The following ZNF385D variants were observed in gnomAD, a reference collection of about 807,000 sequenced individuals.
The protein encoded by ZNF385D is zinc finger protein 659.
In ZNF385D, 15 loss-of-function variants were observed where a neutral mutation model predicts 35.8. The observed-to-expected ratio is 0.42, with a 90% CI of 0.28 to 0.64. The LOEUF is 0.64. Ranked by LOEUF, ZNF385D falls within the 30% of genes least tolerant of loss-of-function variation. The pLI is 0.23. For synonymous variants in ZNF385D, 212 were observed against 186.8 expected, an observed-to-expected ratio of 1.13 and a Z score of -1.10; for missense variants, 474 against 494.6, an observed-to-expected ratio of 0.96 and a Z score of 0.39.
intron 3 of ZNF385D, among the ~76,000 whole-genome samples, chr3:22,144,648 A>C (rs1014643012): frequency 2.7e-5 from 4 of 148,980 alleles, no homozygotes; most frequent in Non-Finnish European, 6.0e-5. Context: ...TAGCAAATTT[A>C]AGTTAGTCAT....
At chr3:21,551,356 C>T (rs1177800383) in intron 3 of ZNF385D, among the ~76,000 whole-genome samples, 2 of 152,196 alleles carry the variant, frequency 1.3e-5, no homozygotes, top group African/African-American at 4.8e-5. Context: ...TTGTACAAAT[C>T]TATACTCTCT....
chr3:21,423,081 GAAAAA>G (rs1404794198), intron 7 of ZNF385D, among the ~76,000 whole-genome samples: 107 of 152,158 alleles, frequency 7.0e-4, no homozygotes, highest in Non-Finnish European at 1.1e-3. Context: ...CCTATATCTA[GAAAAA>G]TCTATAGTCT....
intron 3 of ZNF385D, among the ~76,000 whole-genome samples, chr3:22,030,004 C>A (rs1036916916): frequency 2.6e-5 from 4 of 151,364 alleles, no homozygotes; most frequent in Non-Finnish European, 5.9e-5. Context: ...GCAGACCCAC[C>A]CTTAATCTGG....
At chr3:22,135,810 T>A (rs926904054) in intron 3 of ZNF385D, among the ~76,000 whole-genome samples, 1 of 151,696 alleles carries the variant, frequency 6.6e-6, no homozygotes, top group Non-Finnish European at 1.5e-5. Flanking sequence ...GAAGAGAGAG[T>A]CCAGAAATTG....
intron 3 of ZNF385D, among the ~76,000 whole-genome samples, chr3:22,151,532 T>C (rs887706990): frequency 2.0e-5 from 3 of 152,096 alleles, no homozygotes; most frequent in Non-Finnish European, 4.4e-5. Flanking sequence ...TTATTTAGGG[T>C]TCTCCAGACA....
intron 2 of ZNF385D, among the ~76,000 whole-genome samples, chr3:22,269,234 G>A (rs1230817558): frequency 1.3e-5 from 2 of 151,926 alleles, no homozygotes; most frequent in South Asian, 2.1e-4. Context: ...GTTGGGAAAT[G>A]TAAAATGAAT....
In ZNF385D at chr3:21,884,650, T is replaced by C. The variant is rs375850274; in HGVS notation, c.326-219622A>G. Among the ~76,000 whole-genome samples, 21 of 152,172 alleles carry C rather than the reference T, an allele frequency of 1.4e-4. No homozygotes were observed. In the East Asian group the frequency reaches 3.5e-3, roughly 25 times the overall value. On this transcript the variant is annotated intron_variant, in intron 3 of 5. Transcript: ENST00000494108. ...ACTCAACGGTTCTTATTTTACTACA[T>C]TTTACTATCATCTGTTCTCTAAAGT...
chr3:21,889,661 G>T (rs1346456107), intron 3 of ZNF385D, among the ~76,000 whole-genome samples: 1 of 152,160 alleles, frequency 6.6e-6, no homozygotes, highest in Non-Finnish European at 1.5e-5. Context: ...ATAGAGAAGA[G>T]TACTTGGGTT....
At chr3:21,868,591 A>T (rs187311497) in intron 3 of ZNF385D, among the ~76,000 whole-genome samples, 1 of 152,232 alleles carries the variant, frequency 6.6e-6, no homozygotes, top group Non-Finnish European at 1.5e-5. Context: ...TACTATTACC[A>T]TATCTACCAG....
intron 1 of ZNF385D, among the ~76,000 whole-genome samples, chr3:21,736,160 C>T (rs1354644294): frequency 6.6e-6 from 1 of 152,110 alleles, no homozygotes; most frequent in Non-Finnish European, 1.5e-5. Context: ...ATAATGACAT[C>T]TAGTCATTAA....
intron 3 of ZNF385D, among the ~76,000 whole-genome samples, chr3:22,066,531 CCTGTGT>C (rs1699969175): frequency 5.2e-5 from 2 of 38,198 alleles, no homozygotes; most frequent in Admixed American, 7.2e-4. Flanking sequence ...GAGATGGTTC[CCTGTGT>C]GTGTGTGTGT....
At chr3:21,974,249 G>C (rs1703453716) in intron 3 of ZNF385D, among the ~76,000 whole-genome samples, 1 of 151,998 alleles carries the variant, frequency 6.6e-6, no homozygotes, top group African/African-American at 2.4e-5. Flanking sequence ...GAACAGAATA[G>C]AGAACCCAGA....
At chr3:21,574,600 C>T (rs1355766471) in intron 2 of ZNF385D, among the ~76,000 whole-genome samples, 1 of 151,996 alleles carries the variant, frequency 6.6e-6, no homozygotes, top group Non-Finnish European at 1.5e-5. Context: ...AAATCATTAT[C>T]ATTATAAATA....
intron 3 of ZNF385D, among the ~76,000 whole-genome samples, chr3:21,802,555 A>T (rs575783338): frequency 4.8e-5 from 4 of 83,620 alleles, no homozygotes; most frequent in East Asian, 2.8e-4. Flanking sequence ...ACATTGATTT[A>T]AAAAAAAATA....
At chr3:22,209,289 C>T (rs1471923061) in intron 2 of ZNF385D, among the ~76,000 whole-genome samples, 4 of 151,844 alleles carry the variant, frequency 2.6e-5, no homozygotes, top group Non-Finnish European at 1.5e-5. Flanking sequence ...CATGTTTAGT[C>T]TTATAAATAC....
At chr3:21,658,928 C>A (rs1425684246) in intron 2 of ZNF385D, among the ~76,000 whole-genome samples, 2 of 151,968 alleles carry the variant, frequency 1.3e-5, no homozygotes, top group Non-Finnish European at 2.9e-5. Flanking sequence ...TTAGTTTAAT[C>A]TATTAACATC....
chr3:21,434,043 C>A (rs1439318894), intron 5 of ZNF385D, among the ~76,000 whole-genome samples: 2 of 152,050 alleles, frequency 1.3e-5, no homozygotes, highest in Non-Finnish European at 2.9e-5. Context: ...TATAAATTAA[C>A]AATGATAGCA....
intron 3 of ZNF385D, among the ~76,000 whole-genome samples, chr3:22,062,689 C>G (rs1213404118): frequency 1.3e-5 from 2 of 152,166 alleles, no homozygotes; most frequent in Non-Finnish European, 2.9e-5. Flanking sequence ...ACCTGCTTTT[C>G]AGGAGTAGAG....
chr3:21,961,587 T>G (rs930027247), intron 3 of ZNF385D: 2 of 152,178 alleles, frequency 1.3e-5, no homozygotes, highest in Non-Finnish European at 2.9e-5. Context: ...TTAATGCCTT[T>G]TATTTTTATA....
Sources: allele counts gnomAD v4.1 joint callset (sites outside exome capture counted in the v4.1 genomes callset), GRCh38; gene constraint gnomAD v4.1.1; transcripts MANE v1.5; gene names NCBI Gene and HGNC (gene_info 2026-07-23, HGNC 2026-07-21).